Variants in IGFN1 observed in about 807,000 individuals in gnomAD.
IGFN1 encodes the protein immunoglobulin-like and fibronectin type III domain-containing protein 1.
Under a neutral mutation model 289.5 loss-of-function variants are expected in IGFN1, and 253 were observed. That is an observed-to-expected ratio of 0.87 (90% CI 0.79 to 0.97). The LOEUF (loss-of-function observed/expected upper bound fraction) is 0.97. Among genes scored for constraint, IGFN1 ranks in the 50% least tolerant of loss-of-function variants. The pLI, the probability that IGFN1 is intolerant of heterozygous loss-of-function variation, is 0.00. For missense variants in IGFN1, 4,470 were observed against 4,686.1 expected (o/e 0.95, Z 1.35); for synonymous variants, 1,706 against 1,788.5 (o/e 0.95, Z 1.16).
At chr1:201,195,182 C>T (rs920023312) in intron 3 of IGFN1, among the ~76,000 whole-genome samples, 12 of 151,462 alleles carry the variant, frequency 7.9e-5, no homozygotes, top group Admixed American at 1.3e-4. Context: ...GATGGAGTCT[C>T]GCTCTGTTGC....
At chr1:201,219,385 G>A (rs923236714) in intron 18 of IGFN1, among the ~76,000 whole-genome samples, 6 of 152,230 alleles carry the variant, frequency 3.9e-5, no homozygotes, top group Non-Finnish European at 7.3e-5. Flanking sequence ...AACATGGAGT[G>A]TATTGAGAGA....
At chr1:201,199,419 G>T (rs1364210404) in intron 6 of IGFN1, 41 bp downstream of exon 6, 1 of 1,537,698 alleles carries the variant, frequency 6.5e-7, no homozygotes, top group Non-Finnish European at 8.8e-7. Flanking sequence ...GGCCTGTGGG[G>T]GATAGGCTAC....
chr1:201,225,970 C>A lies in IGFN1; in HGVS notation c.10633C>A (p.His3545Asn). 3 of 1,575,102 alleles carry A rather than the reference C, an allele frequency of 1.9e-6. No homozygotes were observed. Among genetic ancestry groups the A allele is most frequent in the Admixed American group, 1.8e-5 (1 of 56,788 alleles). Residue 3545 changes from histidine to asparagine, a missense_variant, in exon 22 of 24, where the codon CAC becomes AAC. Coordinates refer to ENST00000335211, the MANE Select transcript of IGFN1 (RefSeq NM_001164586.2). Reference protein sequence around the residue: ...FTRSSAHGPWHEAADRIHTNR... With the variant: ...FTRSSAHGPWNEAADRIHTNR... ...ACGCTCCTCAGCGCACGGTCCCTGGCACGAGGCAGCCGACCGCATCCACAC... is the reference window on the plus strand; with the variant it reads ...ACGCTCCTCAGCGCACGGTCCCTGGAACGAGGCAGCCGACCGCATCCACAC...
In IGFN1 at chr1:201,209,118, G is replaced by T. The variant is rs578206003; in HGVS notation, c.4225G>T (p.Gly1409Cys). ...PGEMGSLDESGHRNGIGGYGE... is the reference protein window; with the variant it reads ...PGEMGSLDESCHRNGIGGYGE... Reference sequence around the variant, plus strand: ...GGAGATGGGGTCACTGGATGAGTCAGGTCATAGGAATGGGATTGGAGGTTA... The same window carrying T: ...GGAGATGGGGTCACTGGATGAGTCATGTCATAGGAATGGGATTGGAGGTTA... The change falls in exon 12 of 24, where the codon GGT (glycine) becomes TGT (cysteine). Residue 1409 changes from glycine (G) to cysteine (C), a missense_variant. Gly to Cys is a radical substitution (Grantham distance 159). This residue lies in a region of IGFN1 where 2,011 missense variants were observed against 1,953.4 expected (regional missense o/e 1.03). Transcript: ENST00000335211. 1,322 of 1,534,192 alleles carry T rather than the reference G, an allele frequency of 8.6e-4. 27 individuals carry two copies. The South Asian group carries it at 0.015, about 17-fold the overall frequency.
chr1:201,209,287 G>C lies in IGFN1; in HGVS notation c.4394G>C (p.Gly1465Ala). The change falls in exon 12 of 24, where the codon GGA becomes GCA. Residue 1465 changes from glycine to alanine, a missense_variant. Coordinates refer to ENST00000335211, the MANE Select transcript of IGFN1 (RefSeq NM_001164586.2). ...GAGGCAGGTTATAGGAAAAATTTGG[G>C]AGCTCCTGAGAGAATGGATTCAGGG... ...MDEAGYRKNL[G>A]APERMDSGSK... 1 of 1,484,030 alleles carries C rather than the reference G, an allele frequency of 6.7e-7. No homozygotes were observed. 91.9% of individuals were successfully genotyped at this position (1,484,030 alleles called of 1,614,324 possible).
intron 14 of IGFN1, 36 bp from the exon 15 acceptor site, chr1:201,215,503 C>T (rs142763612): frequency 6.6e-7 from 1 of 1,514,002 alleles, no homozygotes; most frequent in Non-Finnish European, 8.9e-7. Flanking sequence ...GTGCCCAGTG[C>T]CCTGGTCTTC....
Position 201,207,427 on chromosome 1 carries a change from C to T in IGFN1, c.2534C>T (p.Ser845Phe). 6.5e-7 allele frequency: 1 copy of T among 1,530,154 alleles called. No individual in the cohort carries two copies. The highest frequency in any genetic ancestry group is 8.7e-7 in the Non-Finnish European group (1 of 1,143,552). 94.8% of individuals were successfully genotyped at this position (1,530,154 alleles called of 1,614,324 possible). A position where few individuals can be genotyped will look rare whatever the true frequency, so the allele number is the denominator to read the frequency against. Residue 845 changes from serine (S) to phenylalanine (F), a missense_variant, in exon 12 of 24, where the codon TCT (serine) becomes TTT (phenylalanine). Around this residue, in one of 8 missense-constraint regions of IGFN1, gnomAD observed 2,011 missense variants for 1,953.4 expected, o/e 1.03. Coordinates refer to ENST00000335211, the MANE Select transcript of IGFN1 (RefSeq NM_001164586.2). Reference protein sequence around the residue: ...KGTSPWDDTPSSLRKTGAHHG... With the variant: ...KGTSPWDDTPFSLRKTGAHHG... ...ACAAGTCCTTGGGATGACACACCAT[C>T]TAGCCTCAGAAAAACTGGGGCCCAC...
At chr1:201,215,514 C>G in intron 14 of IGFN1, 25 bp from the exon 15 acceptor site, 1 of 1,532,660 alleles carries the variant, frequency 6.5e-7, no homozygotes, top group Non-Finnish European at 8.8e-7. Flanking sequence ...CCTGGTCTTC[C>G]TTGACTCTCT....
Position 201,213,453 on chromosome 1 carries a change from G to A in IGFN1, c.8560G>A (p.Glu2854Lys). The change falls in exon 12 of 24, where the codon GAG becomes AAG. Residue 2854 changes from glutamate (E) to lysine (K), a missense_variant. This residue lies in a region of IGFN1 where 2,218 missense variants were observed against 2,114.1 expected (regional missense o/e 1.05). Transcript: ENST00000335211. ...TATGGGAGAGAACTGGGGGTGCCTG[G>A]AGGAGATGCTGAATGAAGATCAGAG... ...QPMGENWGCL[E>K]EMLNEDQSRE... 3 of 1,614,078 alleles carry A rather than the reference G, an allele frequency of 1.9e-6. No homozygotes were observed. Among genetic ancestry groups the A allele is most frequent in the Non-Finnish European group, 2.5e-6 (3 of 1,179,968 alleles).
In IGFN1 at chr1:201,209,192, A is replaced by T. The variant is rs1334535306; in HGVS notation, c.4299A>T (p.Gly1433=). The T allele has an allele frequency of 6.7e-7, 1 of 1,499,944 alleles. No individual in the cohort carries two copies. Among genetic ancestry groups the T allele is most frequent in the Non-Finnish European group, 8.8e-7 (1 of 1,131,634 alleles). The allele number at this position is 1,499,944 out of a possible 1,614,324, so 92.9% of individuals were successfully genotyped here. A position where few individuals can be genotyped will look rare whatever the true frequency, so the allele number is the denominator to read the frequency against. Residue 1433 remains glycine (G), a synonymous_variant, in exon 12 of 24, where the codon GGA becomes GGT. Coordinates refer to ENST00000335211, the MANE Select transcript of IGFN1 (RefSeq NM_001164586.2). The part of the protein sequence containing the change: ...GYREDLGAPE[G]MGTGSKAGYR... ...GGGAGGATTTGGGGGCTCCTGAGGG[A>T]ATGGGCACAGGGAGCAAGGCAGGTT...
rs551423811 is a variant in IGFN1 at position 201,217,351 on chromosome 1, A to T, written c.9660A>T (p.Thr3220=). 1 of 1,614,160 alleles carries T rather than the reference A, an allele frequency of 6.2e-7. No individual in the cohort carries two copies. Among genetic ancestry groups the T allele is most frequent in the East Asian group, 2.2e-5 (1 of 44,864 alleles). Residue 3220 remains threonine, a synonymous_variant, in exon 17 of 24, where the codon ACA becomes ACT. Transcript: ENST00000335211. ...LSASSQGITL[T]WTAPRGPGSA... The stretch of plus-strand genomic sequence containing the variant: ...CCTCCAGCCAGGGCATCACACTGAC[A>T]TGGACAGCACCTCGGGGCCCCGGCA...
Position 201,209,090 on chromosome 1 carries a change from T to C in IGFN1, c.4197T>C (p.Pro1399=). 6.5e-6 allele frequency: 10 copies of C among 1,535,398 alleles called. No individual in the cohort carries two copies. Among genetic ancestry groups the C allele is most frequent in the Non-Finnish European group, 7.9e-6 (9 of 1,146,374 alleles). ...GTTACAGGGCTGGTTTAAGGGGTCC[T>C]GGGGAGATGGGGTCACTGGATGAGT... ...GAGYRAGLRG[P]GEMGSLDESG... The change falls in exon 12 of 24, where the codon CCT becomes CCC. Residue 1399 remains proline, a synonymous_variant. Transcript: ENST00000335211.
Position 201,211,704 on chromosome 1 carries a change from G to T in IGFN1, c.6811G>T (p.Gly2271Cys), listed in dbSNP as rs574855482. The change falls in exon 12 of 24, where the codon GGT becomes TGT. Residue 2271 changes from glycine (G) to cysteine (C), a missense_variant. Physicochemically the swap from Gly to Cys is radical, Grantham distance 159. This residue lies in a region of IGFN1 where 2,218 missense variants were observed against 2,114.1 expected (regional missense o/e 1.05). Transcript: ENST00000335211. The stretch of plus-strand genomic sequence containing the variant: ...AGGCAGTTACACAGATTACAGGAAT[G>T]GTTTAGGCAGTTCTGGAAAAATCAG... Reference protein sequence around the residue: ...GSGSYTDYRNGLGSSGKISSG... With the variant: ...GSGSYTDYRNCLGSSGKISSG... 62 of 1,537,032 alleles carry T rather than the reference G, an allele frequency of 4.0e-5. No individual in the cohort carries two copies. Among genetic ancestry groups the T allele is most frequent in the Non-Finnish European group, 4.9e-5 (56 of 1,146,820 alleles).
intron 12 of IGFN1, 120 bp downstream of exon 12, chr1:201,213,741 A>G: frequency 1.3e-6 from 1 of 784,342 alleles, no homozygotes. Flanking sequence ...TGTCCCTGCC[A>G]GTGCTCCCCA....
In IGFN1 at chr1:201,206,737, C is replaced by G; in HGVS notation, c.1844C>G (p.Ser615Cys). 2 of 1,536,824 alleles carry G rather than the reference C, an allele frequency of 1.3e-6. No homozygotes were observed. Among genetic ancestry groups the G allele is most frequent in the Non-Finnish European group, 8.7e-7 (1 of 1,146,906 alleles). ...AAGAGCGACCTGCAGGGATGCCAGT[C>G]TGATCCTGTAGGGTCCTGGCCAAGA... ...RGKSDLQGCQ[S>C]DPVGSWPRGK... Residue 615 changes from serine (S) to cysteine (C), a missense_variant, in exon 12 of 24, where the codon TCT (serine) becomes TGT (cysteine). Physicochemically the swap from Ser to Cys is moderately radical, Grantham distance 112. This residue lies in a region of IGFN1 where 2,011 missense variants were observed against 1,953.4 expected (regional missense o/e 1.03). Coordinates refer to ENST00000335211, the MANE Select transcript of IGFN1 (RefSeq NM_001164586.2).
At chr1:201,218,433 C>A in intron 17 of IGFN1, 97 bp from the exon 18 acceptor site, 1 of 1,221,452 alleles carries the variant, frequency 8.2e-7, no homozygotes, top group Non-Finnish European at 1.2e-6. Flanking sequence ...GTGTTAGGAC[C>A]CCAGGCTTGG....
rs1667606842 is a variant in IGFN1 at position 201,209,482 on chromosome 1, A to G, written c.4589A>G (p.Tyr1530Cys). Reference protein sequence around the residue: ...GEMGSVDKAGYRKDLGASEAI... With the variant: ...GEMGSVDKAGCRKDLGASEAI... The stretch of plus-strand genomic sequence containing the variant: ...ATGGGGTCTGTGGATAAGGCAGGCT[A>G]TAGGAAGGATTTGGGGGCTTCTGAG... Residue 1530 changes from tyrosine (Y) to cysteine (C), a missense_variant, in exon 12 of 24, where the codon TAT becomes TGT. By Grantham distance (194) the Tyr-to-Cys change is radical (BLOSUM62 -2). This residue lies in a region of IGFN1 where 2,011 missense variants were observed against 1,953.4 expected (regional missense o/e 1.03). Coordinates refer to ENST00000335211, the MANE Select transcript of IGFN1 (RefSeq NM_001164586.2). The G allele has an allele frequency of 6.5e-7, 1 of 1,536,842 alleles. No individual in the cohort carries two copies. The highest frequency in any genetic ancestry group is 8.7e-7 in the Non-Finnish European group (1 of 1,146,770).
rs753076441 is a variant in IGFN1, at chr1:201,216,529, C to A, written c.9371C>A (p.Pro3124His). Residue 3124 changes from proline (P) to histidine (H), a missense_variant, in exon 16 of 24, where the codon CCC becomes CAC. Pro to His is a moderately conservative substitution (Grantham distance 77). This residue lies in a region of IGFN1 where 2,218 missense variants were observed against 2,114.1 expected (regional missense o/e 1.05). Transcript: ENST00000335211. Reference sequence around the variant, plus strand: ...GCTGGCGTCTGCCTCCGCTGGCGGCCCCCAAGGGACAATGGGGGCCGGACT... The same window carrying A: ...GCTGGCGTCTGCCTCCGCTGGCGGCACCCAAGGGACAATGGGGGCCGGACT... ...HRAGVCLRWR[P>H]PRDNGGRTVE... 24 of 1,612,296 alleles carry A rather than the reference C, an allele frequency of 1.5e-5. No homozygotes were observed. The highest frequency in any genetic ancestry group is 1.1e-4 in the East Asian group (5 of 44,844).
At chr1:201,192,608 G>A (rs1398884069) in intron 1 of IGFN1, among the ~76,000 whole-genome samples, 1 of 152,212 alleles carries the variant, frequency 6.6e-6, no homozygotes, top group Non-Finnish European at 1.5e-5. Flanking sequence ...ACAGGCCTGG[G>A]CCAAGAAGAG....
Sources: gnomAD v4.1 joint callset for allele counts (sites outside exome capture counted in the v4.1 genomes callset) on GRCh38, gnomAD v4.1.1 for gene constraint, gnomAD v4.1.1 regional missense constraint, MANE v1.5 for transcripts, NCBI Gene and HGNC (gene_info 2026-07-23, HGNC 2026-07-21) for gene names.